Variants in PI16 observed in about 807,000 individuals in gnomAD.
PI16 encodes peptidase inhibitor 16.
A neutral mutation model predicts 38.0 loss-of-function variants in PI16; 35 were observed. The ratio of observed to expected loss-of-function variants is 0.92; its 90% CI spans 0.70 to 1.22. The LOEUF (loss-of-function observed/expected upper bound fraction) is 1.22, where lower values mean the gene tolerates loss of function less well. Ranked by LOEUF, PI16 falls within the 50% of genes most tolerant of loss-of-function variation. The pLI is 0.00. For missense variants in PI16, 572 were observed against 593.8 expected, an observed-to-expected ratio of 0.96 and a Z score of 0.38; for synonymous variants, 275 against 252.9, an observed-to-expected ratio of 1.09 and a Z score of -0.83.
Position 36,963,389 on chromosome 6 carries a change from C to T in PI16, c.1047C>T (p.Leu349=). Residue 349 remains leucine (L), a synonymous_variant, in exon 5 of 7, where the codon CTC becomes CTT. Coordinates refer to ENST00000373674, the MANE Select transcript of PI16 (RefSeq NM_153370.3). ...TGTCCCTGACAGGGGCAAGGGAACTCCTACCCCATGCCCAGGAGGAGGCTG... is the reference window on the plus strand; with the variant it reads ...TGTCCCTGACAGGGGCAAGGGAACTTCTACCCCATGCCCAGGAGGAGGCTG... ...PKMSLTGARE[L]LPHAQEEAEA... 1 of 1,614,192 alleles carries T rather than the reference C, an allele frequency of 6.2e-7. No individual in the cohort carries two copies. The highest frequency in any genetic ancestry group is 8.5e-7 in the Non-Finnish European group (1 of 1,180,020).
rs1452486521 is a variant in PI16, at chr6:36,962,848, TTTGGTCGCGTCAC to T, written c.593-81_593-69del. The T allele has an allele frequency of 9.7e-6, 11 of 1,132,986 alleles. No individual in the cohort carries two copies. Among genetic ancestry groups the T allele is most frequent in the Non-Finnish European group, 1.4e-5 (11 of 793,082 alleles). 70.2% of individuals were successfully genotyped at this position (1,132,986 alleles called of 1,614,324 possible). On this transcript the variant is annotated intron_variant, in intron 4 of 6. Transcript: ENST00000373674. This position sits in a 1 kb window ranked among gnomAD's most constrained non-coding sequence, Gnocchi z 4.1. ...TGTGTTTGTGTGTCCTGGTAGGACA[TTTGGTCGCGTCAC>T]TTGGTTTGCAGTGCCATGAGAGATG... is the stretch of plus-strand genomic sequence containing the variant.
chr6:36,960,346 T>TGTGTGG (rs1763326983), intron 2 of PI16, among the ~76,000 whole-genome samples: 1 of 151,642 alleles, frequency 6.6e-6, no homozygotes, highest in Admixed American at 6.6e-5. Context: ...TGTGTGTGTG[T>TGTGTGG]GTGTGTGTGT....
In PI16 at chr6:36,963,902, A is replaced by T; in HGVS notation, c.1350A>T (p.Gly450=). 1 of 1,613,732 alleles carries T rather than the reference A, an allele frequency of 6.2e-7. No individual in the cohort carries two copies. Among genetic ancestry groups the T allele is most frequent in the African/African-American group, 1.3e-5 (1 of 74,944 alleles). The part of the protein sequence containing the change: ...GPGHVWGPLL[G]LLLLPPLVLA... ...GTCATGTGTGGGGCCCTCTCCTGGG[A>T]CTACTGCTCCTGCCTCCTCTGGTGT... is the stretch of plus-strand genomic sequence containing the variant. Residue 450 remains glycine, a synonymous_variant, in exon 6 of 7, where the codon GGA becomes GGT. Coordinates refer to ENST00000373674, the MANE Select transcript of PI16 (RefSeq NM_153370.3).
At chr6:36,952,098 A>G (rs1429935362), upstream of PI16, among the ~76,000 whole-genome samples, 1 of 151,144 alleles carries the variant, frequency 6.6e-6, no homozygotes, top group Non-Finnish European at 1.5e-5. Context: ...GGTTCAAGCA[A>G]TTCTCCTGCC....
intron 1 of PI16, among the ~76,000 whole-genome samples, chr6:36,949,508 C>G (rs1472675550): frequency 1.3e-5 from 2 of 152,216 alleles, no homozygotes; most frequent in Non-Finnish European, 2.9e-5. Flanking sequence ...ATCCATCTCA[C>G]AGCTTTGCCA....
chr6:36,948,998 T>A (rs1763059431), intron 1 of PI16, among the ~76,000 whole-genome samples: 1 of 151,960 alleles, frequency 6.6e-6, no homozygotes, highest in Non-Finnish European at 1.5e-5. Context: ...TTTCACCATG[T>A]TGGTTGGCCA....
rs117226063 is a variant in PI16 at position 36,955,712 on chromosome 6, G to A, written c.171+781G>A. On this transcript the variant is annotated intron_variant, in intron 1 of 6. Transcript: ENST00000373674. The stretch of plus-strand genomic sequence containing the variant: ...GAAAACATGTAAAAATACTATTTAT[G>A]TCCTGGTGAAACACGCAGATGTAGT... Among the ~76,000 whole-genome samples the A allele has an allele frequency of 1.8e-4, 27 of 152,312 alleles. No individual in the cohort carries two copies. In the East Asian group the frequency reaches 4.6e-3, roughly 26 times the overall value.
upstream of PI16, among the ~76,000 whole-genome samples, chr6:36,950,744 T>C (rs1333762543): frequency 6.6e-6 from 1 of 152,156 alleles, no homozygotes; most frequent in Non-Finnish European, 1.5e-5. The surrounding 1 kb of genome is among the most constrained non-coding windows in gnomAD (Gnocchi z 4.2). Context: ...GGTTTCTCCA[T>C]GTTGGTCAGG....
In PI16 at chr6:36,963,098, G is replaced by A. The variant is rs1763416783; in HGVS notation, c.756G>A (p.Leu252=). Residue 252 remains leucine (L), a synonymous_variant, in exon 5 of 7, where the codon CTG becomes CTA. Transcript: ENST00000373674. ...AFLVTEVSGS[L]ATKALPAVET... ...TGGTAACAGAGGTCTCAGGCTCCCTGGCAACCAAGGCTCTGCCTGCTGTGG... is the reference window on the plus strand; with the variant it reads ...TGGTAACAGAGGTCTCAGGCTCCCTAGCAACCAAGGCTCTGCCTGCTGTGG... 1.2e-6 allele frequency: 2 copies of A among 1,614,078 alleles called. No homozygotes were observed. The highest frequency in any genetic ancestry group is 1.7e-5 in the Admixed American group (1 of 60,008).
intron 2 of PI16, 22 bp downstream of exon 2, chr6:36,959,388 C>T (rs1352697181): frequency 1.3e-6 from 2 of 1,534,572 alleles, no homozygotes; most frequent in South Asian, 2.4e-5. Context: ...GCGGGCGAGG[C>T]GGGGCGGAGC....
chr6:36,951,744 C>T (rs1371995713), upstream of PI16, among the ~76,000 whole-genome samples: 3 of 151,952 alleles, frequency 2.0e-5, no homozygotes, highest in African/African-American at 4.8e-5. Flanking sequence ...ACTAAAAATA[C>T]AAAACTTAGC....
rs764610986 is a variant in PI16, at chr6:36,963,507, C to A, written c.1165C>A (p.His389Asn). 7 of 1,614,182 alleles carry A rather than the reference C, an allele frequency of 4.3e-6. No homozygotes were observed. In the Admixed American group the frequency reaches 1.2e-4, roughly 27 times the overall value. Residue 389 changes from histidine to asparagine, a missense_variant, in exon 5 of 7, where the codon CAC becomes AAC. Physicochemically the swap from His to Asn is moderately conservative, Grantham distance 68. Transcript: ENST00000373674. ...KPGELQATLD[H>N]TGHTSSKSLP... is the part of the protein sequence containing the mutation. ...AGGTGAGCTGCAGGCCACACTGGACCACACGGGGCACACCTCCTCCAAGTC... is the reference window on the plus strand; with the variant it reads ...AGGTGAGCTGCAGGCCACACTGGACAACACGGGGCACACCTCCTCCAAGTC...
At chr6:36,957,622 CA>C (rs66877639) in intron 1 of PI16, among the ~76,000 whole-genome samples, 35,728 of 152,072 alleles carry the variant, frequency 0.23, 4,300 homozygotes, top group East Asian at 0.39. Context: ...GAGAGTCTTA[CA>C]AACTCCACAG....
At chr6:36,948,499 T>G (rs1008303778) in intron 1 of PI16, 1 of 152,178 alleles carries the variant, frequency 6.6e-6, no homozygotes, top group African/African-American at 2.4e-5. Context: ...GGGTCTCACT[T>G]TGTTGCCTAG....
chr6:36,964,424 C>T lies in PI16; in HGVS notation c.*57C>T, dbSNP rs1169998685. The T allele has an allele frequency of 6.3e-6, 1 of 158,064 alleles. No homozygotes were observed. Among genetic ancestry groups the T allele is most frequent in the Non-Finnish European group, 1.4e-5 (1 of 70,478 alleles). The allele number at this position is 158,064 out of a possible 1,614,324, so 9.8% of individuals were successfully genotyped here. On this transcript the variant is annotated 3_prime_UTR_variant, in exon 7 of 7. Coordinates refer to ENST00000373674, the MANE Select transcript of PI16 (RefSeq NM_153370.3). ...GCTGTCCTCCTGTCATCTTCCCCAC[C>T]CTGTCCCCAGCCCCTAAACAAGATA...
chr6:36,959,949 G>C (rs1354531882), intron 2 of PI16, among the ~76,000 whole-genome samples: 1 of 151,934 alleles, frequency 6.6e-6, no homozygotes, highest in African/African-American at 2.4e-5. Flanking sequence ...GTGTCACAGA[G>C]CCAATTTTAT....
chr6:36,956,764 G>C (rs1052561246), intron 1 of PI16, among the ~76,000 whole-genome samples: 6 of 152,182 alleles, frequency 3.9e-5, no homozygotes, highest in Middle Eastern at 3.2e-3. Flanking sequence ...GAGTGAATAT[G>C]TGTAAAGCAC....
Position 36,962,048 on chromosome 6 carries a change from C to A in PI16, c.592+74C>A. ...GATGCAGACTGGATGGTCTAAGAGCCTCCCTGGACTGAGCGGGACGTGGGC... is the reference window on the plus strand; with the variant it reads ...GATGCAGACTGGATGGTCTAAGAGCATCCCTGGACTGAGCGGGACGTGGGC... On this transcript the variant is annotated intron_variant, in intron 4 of 6. Transcript: ENST00000373674. This position sits in a 1 kb window ranked among gnomAD's most constrained non-coding sequence, Gnocchi z 4.1. The A allele has an allele frequency of 1.5e-6, 2 of 1,297,280 alleles. No homozygotes were observed. The highest frequency in any genetic ancestry group is 1.1e-6 in the Non-Finnish European group (1 of 893,916). The allele number at this position is 1,297,280 out of a possible 1,614,324, so 80.4% of individuals were successfully genotyped here. A position where few individuals can be genotyped will look rare whatever the true frequency, so the allele number is the denominator to read the frequency against.
intron 2 of PI16, among the ~76,000 whole-genome samples, chr6:36,960,527 C>T (rs1027398508): frequency 1.3e-5 from 2 of 152,076 alleles, no homozygotes; most frequent in Non-Finnish European, 2.9e-5. Flanking sequence ...TATTTTTAGT[C>T]TTCATCTTTA....
Sources: gnomAD v4.1 joint callset for allele counts (sites outside exome capture counted in the v4.1 genomes callset) on GRCh38, gnomAD v4.1.1 for gene constraint, Gnocchi (gnomAD v3.1) non-coding constraint, MANE v1.5 for transcripts, NCBI Gene and HGNC (gene_info 2026-07-23, HGNC 2026-07-21) for gene names.